Variants in AGBL1 observed in about 807,000 individuals in gnomAD.
AGBL1 encodes the protein AGBL carboxypeptidase 1, also known as cytosolic carboxypeptidase 4.
Under a neutral mutation model 118.9 loss-of-function variants are expected in AGBL1, and 130 were observed. That is an observed-to-expected ratio of 1.09 (90% confidence interval 0.95 to 1.26). The LOEUF is 1.26. AGBL1 is among the 50% of genes most tolerant of loss of function. The pLI is 0.00. For missense variants in AGBL1, 1,584 were observed against 1,298.1 expected (o/e 1.22, Z -3.38); for synonymous variants, 555 against 478.9 (o/e 1.16, Z -2.08).
intron 19 of AGBL1, among the ~76,000 whole-genome samples, chr15:86,538,263 C>G (rs1199715962): frequency 2.0e-5 from 3 of 152,152 alleles, no homozygotes; most frequent in Non-Finnish European, 4.4e-5. Context: ...AAGTCTGAGT[C>G]TCTCGCTTTG....
At chr15:86,578,739 C>T (rs1295069809) in intron 21 of AGBL1, among the ~76,000 whole-genome samples, 5 of 152,166 alleles carry the variant, frequency 3.3e-5, no homozygotes, top group African/African-American at 7.2e-5. Context: ...TGTCCCTACA[C>T]GAGCTCTCTC....
intron 22 of AGBL1, among the ~76,000 whole-genome samples, chr15:86,790,594 G>A (rs1322284085): frequency 2.0e-5 from 3 of 152,004 alleles, no homozygotes; most frequent in Admixed American, 6.6e-5. Context: ...TCTTAGTTTA[G>A]GGTTCCTATG....
At chr15:86,711,361 T>C (rs1037341176) in intron 22 of AGBL1, among the ~76,000 whole-genome samples, 1 of 152,220 alleles carries the variant, frequency 6.6e-6, no homozygotes, top group African/African-American at 2.4e-5. Context: ...TGAACCTCTC[T>C]GTGGCAAGAT....
At chr15:86,375,539 A>T (rs1226786263) in intron 17 of AGBL1, among the ~76,000 whole-genome samples, 4 of 152,106 alleles carry the variant, frequency 2.6e-5, no homozygotes, top group Non-Finnish European at 5.9e-5. Flanking sequence ...AGAACTCATG[A>T]TCTTGATTTG....
intron 21 of AGBL1, among the ~76,000 whole-genome samples, chr15:86,642,942 C>A (rs917299487): frequency 1.3e-5 from 2 of 152,006 alleles, no homozygotes; most frequent in African/African-American, 4.8e-5. Flanking sequence ...CACTAATATA[C>A]CAGGATGGTA....
chr15:86,850,840 T>A (rs558598412), intron 22 of AGBL1, among the ~76,000 whole-genome samples: 2 of 151,890 alleles, frequency 1.3e-5, no homozygotes, highest in Non-Finnish European at 2.9e-5. Flanking sequence ...CAAAACAAAA[T>A]GAAAAGATAG....
At chr15:87,011,092 CATAG>C (rs2081554869) in intron 24 of AGBL1, among the ~76,000 whole-genome samples, 1 of 152,142 alleles carries the variant, frequency 6.6e-6, no homozygotes, top group South Asian at 2.1e-4. Flanking sequence ...CAGTTCTTGC[CATAG>C]ATAGTGAATG....
chr15:86,771,960 T>C (rs1352396115), intron 22 of AGBL1, among the ~76,000 whole-genome samples: 2 of 151,884 alleles, frequency 1.3e-5, no homozygotes. Flanking sequence ...AGTTCTTGTG[T>C]GGATAGAAAT....
At chr15:86,723,143 C>T (rs563441105) in intron 22 of AGBL1, among the ~76,000 whole-genome samples, 79 of 152,300 alleles carry the variant, frequency 5.2e-4, no homozygotes, top group African/African-American at 1.8e-3. Context: ...ACCCAGCCAT[C>T]CCATTACTGA....
At chr15:86,462,534 C>T (rs2082347187) in intron 18 of AGBL1, among the ~76,000 whole-genome samples, 1 of 152,050 alleles carries the variant, frequency 6.6e-6, no homozygotes. Context: ...TTGCTGCACC[C>T]ATCAACTCGT....
Position 86,307,500 on chromosome 15 carries a change from G to A in AGBL1, c.2374+12092G>A, listed in dbSNP as rs140059984. On this transcript the variant is annotated intron_variant, in intron 17 of 22. Transcript: ENST00000614907. ...TTTTTTACACTTGTAAGCATAATGT[G>A]TTAGGAAAAAGTTTCCCTTTTTACA... is the stretch of plus-strand genomic sequence containing the variant. Among the ~76,000 whole-genome samples, 401 of 152,124 alleles carry A rather than the reference G, an allele frequency of 2.6e-3. 1 individual carries two copies. Among genetic ancestry groups the A allele is most frequent in the African/African-American group, 9.1e-3 (379 of 41,506 alleles).
intron 17 of AGBL1, among the ~76,000 whole-genome samples, chr15:86,393,233 G>A (rs950827578): frequency 6.6e-6 from 1 of 152,166 alleles, no homozygotes. Flanking sequence ...AATGGAAAGA[G>A]ACACATTGTT....
At chr15:86,501,651 A>C (rs1251200509) in intron 18 of AGBL1, among the ~76,000 whole-genome samples, 1 of 151,532 alleles carries the variant, frequency 6.6e-6, no homozygotes, top group Non-Finnish European at 1.5e-5. Flanking sequence ...GTCCAAATGT[A>C]CTGTTTTATG....
chr15:86,880,119 C>A lies in AGBL1; in HGVS notation c.3159-26968C>A, dbSNP rs578002948. Among the ~76,000 whole-genome samples, 6 of 152,304 alleles carry A rather than the reference C, an allele frequency of 3.9e-5. No individual in the cohort carries two copies. The South Asian group carries it at 1.0e-3, about 26-fold the overall frequency. On this transcript the variant is annotated intron_variant, in intron 22 of 22. Transcript: ENST00000614907. ...ATCCAGAGCCGACATTTACATTTTT[C>A]TTTTCTTGTTTTCTTTTCACTATCA... is the stretch of plus-strand genomic sequence containing the variant.
chr15:86,643,675 C>T (rs367952525), intron 21 of AGBL1, among the ~76,000 whole-genome samples: 2 of 152,056 alleles, frequency 1.3e-5, no homozygotes, highest in South Asian at 2.1e-4. Flanking sequence ...TTTTTAAATA[C>T]ATTAAATCAT....
chr15:86,956,172 C>A (rs867260611), intron 23 of AGBL1, among the ~76,000 whole-genome samples: 1 of 151,588 alleles, frequency 6.6e-6, no homozygotes. Flanking sequence ...TCTAGAGAAA[C>A]AGAACCGGTA....
intron 21 of AGBL1, among the ~76,000 whole-genome samples, chr15:86,593,860 G>T (rs1278309954): frequency 6.6e-6 from 1 of 151,232 alleles, no homozygotes; most frequent in East Asian, 1.9e-4. Context: ...TACAATATGT[G>T]TTCCTGTTTC....
chr15:86,471,803 C>T lies in AGBL1; in HGVS notation c.2556-51007C>T, dbSNP rs184166045. On this transcript the variant is annotated intron_variant, in intron 18 of 22. Transcript: ENST00000614907. ...TCATTTTAAGGGTGATGTAGTAGGT[C>T]GAATGGTGACCTCCAAAAAGATATT... 3.3e-5 allele frequency among the ~76,000 whole-genome samples: 5 copies of T among 152,138 alleles called. No individual in the cohort carries two copies. The East Asian group carries it at 5.8e-4, about 18-fold the overall frequency.
chr15:86,290,526 A>G (rs1447913586), intron 16 of AGBL1, among the ~76,000 whole-genome samples: 1 of 150,846 alleles, frequency 6.6e-6, no homozygotes, highest in Non-Finnish European at 1.5e-5. Context: ...ATTTTTATGT[A>G]TTTTTAGTAG....
Sources: allele counts gnomAD v4.1 joint callset (sites outside exome capture counted in the v4.1 genomes callset), GRCh38; gene constraint gnomAD v4.1.1; transcripts MANE v1.5; gene names NCBI Gene and HGNC (gene_info 2026-07-23, HGNC 2026-07-21).